ZNF521: variants seen among roughly 807,000 people sequenced by gnomAD.
ZNF521 encodes the protein LYST-interacting protein 3.
A neutral mutation model predicts 105.5 loss-of-function variants in ZNF521; 14 were observed. The ratio of observed to expected loss-of-function variants is 0.13; its 90% CI spans 0.09 to 0.21. ZNF521 has a LOEUF of 0.21. Among genes scored for constraint, ZNF521 ranks in the 10% least tolerant of loss-of-function variants. The pLI is 1.00. For synonymous variants in ZNF521, 635 were observed against 606.0 expected, an observed-to-expected ratio of 1.05 and a Z score of -0.70; for missense variants, 1,233 against 1,629.7, an observed-to-expected ratio of 0.76 and a Z score of 4.19.
At chr18:25,071,462 C>G (rs1000106558) in intron 7 of ZNF521, among the ~76,000 whole-genome samples, 1 of 152,048 alleles carries the variant, frequency 6.6e-6, no homozygotes, top group Non-Finnish European at 1.5e-5. Flanking sequence ...TAAAGGTACC[C>G]AAATATTAAA....
chr18:25,201,760 G>A (rs534323613), intron 4 of ZNF521: 9 of 152,262 alleles, frequency 5.9e-5, no homozygotes, highest in East Asian at 1.9e-4. Context: ...CTTAGTAGGA[G>A]AGAATCTCTA....
At chr18:25,067,406 A>G (rs1481902814) in intron 7 of ZNF521, among the ~76,000 whole-genome samples, 1 of 152,200 alleles carries the variant, frequency 6.6e-6, no homozygotes, top group Non-Finnish European at 1.5e-5. Flanking sequence ...CCCTTCTAGC[A>G]CTATGTATTT....
In ZNF521 at chr18:25,062,079, C is replaced by A; in HGVS notation, c.*633G>T. The A allele has an allele frequency of 5.0e-6, 1 of 199,120 alleles. No homozygotes were observed. The allele number at this position is 199,120 out of a possible 1,614,324, so 12.3% of individuals were successfully genotyped here. On this transcript the variant is annotated 3_prime_UTR_variant, in exon 8 of 8. Coordinates refer to ENST00000361524, the MANE Select transcript of ZNF521 (RefSeq NM_015461.3). ...AAATCATTAAGGAAAACCTTGAACA[C>A]TCAAAGCTTCAAATGTATCCAGGGA...
Position 25,279,556 on chromosome 18 carries a change from T to A in ZNF521, c.220+42452A>T, listed in dbSNP as rs184519370. Among the ~76,000 whole-genome samples the A allele has an allele frequency of 1.1e-3, 160 of 152,298 alleles. 1 individual carries two copies. Among genetic ancestry groups the A allele is most frequent in the African/African-American group, 3.5e-3 (147 of 41,566 alleles). ...GTTTTGCAGAGGGATGGACAACACA[T>A]CCTTGTATAGCAAACATAATTTCAA... On this transcript the variant is annotated intron_variant, in intron 3 of 7. Coordinates refer to ENST00000361524, the MANE Select transcript of ZNF521 (RefSeq NM_015461.3).
intron 3 of ZNF521, among the ~76,000 whole-genome samples, chr18:25,318,977 A>G (rs1912791970): frequency 6.6e-6 from 1 of 151,974 alleles, no homozygotes; most frequent in South Asian, 2.1e-4. Context: ...AAAGAAAAGA[A>G]AAATTGCTGG....
intron 2 of ZNF521, among the ~76,000 whole-genome samples, chr18:25,343,595 C>A (rs748049354): frequency 2.6e-5 from 4 of 152,128 alleles, no homozygotes; most frequent in Admixed American, 6.5e-5. Context: ...AATCACTTGA[C>A]CTTGCTCAGA....
intron 7 of ZNF521, among the ~76,000 whole-genome samples, chr18:25,088,027 A>G (rs754487984): frequency 1.2e-4 from 18 of 152,120 alleles, no homozygotes; most frequent in South Asian, 2.1e-4. Flanking sequence ...CCAGGACCCA[A>G]TGTGGGATGG....
chr18:25,269,333 A>G (rs542737843), intron 3 of ZNF521, among the ~76,000 whole-genome samples: 1 of 152,278 alleles, frequency 6.6e-6, no homozygotes, highest in East Asian at 1.9e-4. Flanking sequence ...CCCACACAAT[A>G]ATAGTGGGAG....
At chr18:25,238,816 T>TA (rs1345789866) in intron 3 of ZNF521, among the ~76,000 whole-genome samples, 3 of 152,152 alleles carry the variant, frequency 2.0e-5, no homozygotes, top group Non-Finnish European at 4.4e-5. Context: ...ACTGCCTGTT[T>TA]AAAATGCAGA....
At chr18:25,093,135 T>G (rs1229712786) in intron 5 of ZNF521, among the ~76,000 whole-genome samples, 1 of 151,852 alleles carries the variant, frequency 6.6e-6, no homozygotes, top group Non-Finnish European at 1.5e-5. Flanking sequence ...GCGCAGAGAG[T>G]TTAAGTAACT....
intron 4 of ZNF521, among the ~76,000 whole-genome samples, chr18:25,210,746 A>G (rs1291620738): frequency 6.6e-6 from 1 of 152,184 alleles, no homozygotes; most frequent in East Asian, 1.9e-4. Flanking sequence ...GGACCCACGG[A>G]GGCTACCAAG....
In ZNF521 at chr18:25,135,630, A is replaced by T. The variant is rs1225956093; in HGVS notation, c.3659-43549T>A. ...TCAGCTCCCGTCACTAATGTGGAGC[A>T]CAGCTAATTTTAACAGAGTGTGTGT... On this transcript the variant is annotated intron_variant, in intron 5 of 7. Transcript: ENST00000361524. 2.6e-5 allele frequency among the ~76,000 whole-genome samples: 4 copies of T among 152,314 alleles called. No individual in the cohort carries two copies. The South Asian group carries it at 8.3e-4, about 32-fold the overall frequency.
intron 3 of ZNF521, among the ~76,000 whole-genome samples, chr18:25,307,631 T>C (rs1020129107): frequency 3.3e-5 from 5 of 152,190 alleles, no homozygotes; most frequent in Admixed American, 3.3e-4. Flanking sequence ...TATTCACGCC[T>C]TTGTATAATT....
chr18:25,275,062 C>T (rs1474528378), intron 3 of ZNF521, among the ~76,000 whole-genome samples: 1 of 152,046 alleles, frequency 6.6e-6, no homozygotes, highest in East Asian at 1.9e-4. Context: ...ATTCCTTATC[C>T]AACCTATAAA....
At chr18:25,187,255 T>C (rs1039940543) in intron 5 of ZNF521, among the ~76,000 whole-genome samples, 2 of 152,176 alleles carry the variant, frequency 1.3e-5, no homozygotes, top group Non-Finnish European at 2.9e-5. Flanking sequence ...ACTTAAAAGA[T>C]GTAGTTCCCC....
At chr18:25,342,676 C>T (rs1294585897) in intron 2 of ZNF521, among the ~76,000 whole-genome samples, 2 of 152,084 alleles carry the variant, frequency 1.3e-5, no homozygotes, top group African/African-American at 4.8e-5. Flanking sequence ...GATCCGCCCG[C>T]CTCGGCCTCC....
intron 5 of ZNF521, among the ~76,000 whole-genome samples, chr18:25,137,078 T>C (rs927669723): frequency 6.6e-6 from 1 of 152,268 alleles, no homozygotes; most frequent in East Asian, 1.9e-4. Context: ...ATTACGTCTA[T>C]AAAAACAAGT....
intron 4 of ZNF521, among the ~76,000 whole-genome samples, chr18:25,211,282 C>G (rs1354237476): frequency 6.6e-6 from 1 of 152,082 alleles, no homozygotes; most frequent in Non-Finnish European, 1.5e-5. Flanking sequence ...GTGAATGATA[C>G]TGATTATATA....
intron 4 of ZNF521, chr18:25,201,545 CTT>C (rs1312958440): frequency 6.6e-6 from 1 of 152,124 alleles, no homozygotes; most frequent in African/African-American, 2.4e-5. Flanking sequence ...GTTTTTCTAT[CTT>C]TATATTTTAT....
Sources: allele counts gnomAD v4.1 joint callset (sites outside exome capture counted in the v4.1 genomes callset), GRCh38; gene constraint gnomAD v4.1.1; transcripts MANE v1.5; gene names NCBI Gene and HGNC (gene_info 2026-07-23, HGNC 2026-07-21).